CCDC62: variants seen among roughly 807,000 people sequenced by gnomAD.
The protein encoded by CCDC62 is coiled-coil domain-containing protein 62.
A neutral mutation model predicts 80.8 loss-of-function variants in CCDC62; 72 were observed. That is an observed-to-expected ratio of 0.89 (90% confidence interval 0.74 to 1.08). CCDC62 has a LOEUF of 1.08. CCDC62 is among the 50% of genes least tolerant of loss of function. The pLI, the probability that CCDC62 is intolerant of heterozygous loss-of-function variation, is 0.00. For missense variants in CCDC62, 704 were observed against 809.4 expected, an observed-to-expected ratio of 0.87 and a Z score of 1.58; for synonymous variants, 286 against 296.5, an observed-to-expected ratio of 0.96 and a Z score of 0.36.
intron 8 of CCDC62, 116 bp from the exon 9 acceptor site, chr12:122,801,008 G>A (rs2031268173): frequency 1.8e-6 from 2 of 1,132,354 alleles, no homozygotes; most frequent in Admixed American, 2.4e-5. Flanking sequence ...GGGCTCTGAG[G>A]TTCAGACAAA....
At chr12:122,792,378 G>A (rs111512221) in intron 6 of CCDC62, among the ~76,000 whole-genome samples, 9,563 of 151,762 alleles carry the variant, frequency 0.063, 1,045 homozygotes, top group African/African-American at 0.22. Flanking sequence ...GAGCCACCAC[G>A]CCCGGCTAAA....
In CCDC62 at chr12:122,826,542, C is replaced by T. The variant is rs1040491774; in HGVS notation, c.*161C>T. 28 of 703,794 alleles carry T rather than the reference C, an allele frequency of 4.0e-5. No individual in the cohort carries two copies. In the Admixed American group the frequency reaches 4.5e-4, roughly 11 times the overall value. 43.6% of individuals were successfully genotyped at this position (703,794 alleles called of 1,614,324 possible). A position where few individuals can be genotyped will look rare whatever the true frequency, so the allele number is the denominator to read the frequency against. ...CACTTAATTCCAGCTGGGAGCAGAA[C>T]TAGAAAGTTAATTTTTAAACATCTA... On this transcript the variant is annotated 3_prime_UTR_variant, in exon 13 of 13. Transcript: ENST00000253079.
chr12:122,823,433 C>T lies in CCDC62; in HGVS notation c.*14C>T. The stretch of plus-strand genomic sequence containing the variant: ...GTCAGTTATTGAAGGAAACAAAAGG[C>T]AACTTCAGTATTCATCGTGATCACG... On this transcript the variant is annotated 3_prime_UTR_variant, in exon 12 of 13. Coordinates refer to ENST00000253079, the MANE Select transcript of CCDC62 (RefSeq NM_201435.5). 1 of 1,593,766 alleles carries T rather than the reference C, an allele frequency of 6.3e-7. No homozygotes were observed. Among genetic ancestry groups the T allele is most frequent in the Non-Finnish European group, 8.6e-7 (1 of 1,161,538 alleles).
Position 122,801,181 on chromosome 12 carries a change from G to C in CCDC62, c.1035G>C (p.Arg345Ser). ...ACCACCCAAAAGTCGATATTAAGAG[G>C]GAAAAAAATCAGAAGTCACTGTTTA... is the stretch of plus-strand genomic sequence containing the variant. ...ENNHPKVDIK[R>S]EKNQKSLFKD... Residue 345 changes from arginine (R) to serine (S), a missense_variant, in exon 9 of 13, where the codon AGG (arginine) becomes AGC (serine). Transcript: ENST00000253079. 6.2e-7 allele frequency: 1 copy of C among 1,613,746 alleles called. No homozygotes were observed.
At position 122,811,649 on chromosome 12, in the gene CCDC62, G is replaced by A. The variant is rs150774416; in HGVS notation, c.1852-1621G>A. ...ATCCTGACCAACATGGTGAAACCCC[G>A]TCTCTACGAAAAATACAAAAATTAG... On this transcript the variant is annotated intron_variant, in intron 10 of 12. Coordinates refer to ENST00000253079, the MANE Select transcript of CCDC62 (RefSeq NM_201435.5). 1.9e-3 allele frequency among the ~76,000 whole-genome samples: 281 copies of A among 150,572 alleles called. 5 individuals are homozygous for A. The East Asian group carries it at 0.04, about 21-fold the overall frequency.
rs1262790268 is a variant in CCDC62, at chr12:122,798,165, C to T, written c.942C>T (p.Asp314=). ...ENSQELIQMY[D]SKMEESKALD... is the part of the protein sequence containing the mutation. ...CTCAGGAATTAATACAGATGTATGA[C>T]TCAAAGATGGAGGAATCAAAGGCTC... is the stretch of plus-strand genomic sequence containing the variant. Residue 314 remains aspartate (D), a synonymous_variant, in exon 8 of 13, where the codon GAC becomes GAT. Coordinates refer to ENST00000253079, the MANE Select transcript of CCDC62 (RefSeq NM_201435.5). 6.3e-7 allele frequency: 1 copy of T among 1,584,588 alleles called. No homozygotes were observed. Among genetic ancestry groups the T allele is most frequent in the Non-Finnish European group, 8.7e-7 (1 of 1,153,860 alleles).
intron 9 of CCDC62, among the ~76,000 whole-genome samples, chr12:122,803,766 T>C (rs77422670): frequency 0.048 from 7,366 of 152,302 alleles, 289 homozygotes; most frequent in East Asian, 0.23. Flanking sequence ...TAAAGATCTT[T>C]GGATAATTGC....
chr12:122,812,534 A>G (rs1369118960), intron 10 of CCDC62, among the ~76,000 whole-genome samples: 1 of 149,512 alleles, frequency 6.7e-6, no homozygotes, highest in African/African-American at 2.5e-5. Context: ...AGGTCAGGAG[A>G]TTGAGACCAT....
intron 12 of CCDC62, among the ~76,000 whole-genome samples, chr12:122,823,859 G>T (rs866977964): frequency 1.3e-5 from 2 of 151,906 alleles, no homozygotes; most frequent in Non-Finnish European, 2.9e-5. Context: ...GGTAGTGGGC[G>T]CCTGTAATCC....
At chr12:122,780,314 G>GAA (rs78834464) in intron 2 of CCDC62, among the ~76,000 whole-genome samples, 2 of 97,498 alleles carry the variant, frequency 2.1e-5, no homozygotes, top group Non-Finnish European at 2.1e-5. Context: ...CCGTCTCAAC[G>GAA]AAAAAAAAAA....
chr12:122,795,918 T>C (rs1408964766), intron 6 of CCDC62, among the ~76,000 whole-genome samples: 1 of 152,190 alleles, frequency 6.6e-6, no homozygotes, highest in Admixed American at 6.6e-5. Flanking sequence ...TCTAAGTCCC[T>C]TCCCATTGTT....
In CCDC62 at chr12:122,777,472, A is replaced by G; in HGVS notation, c.37-19A>G. 6.3e-7 allele frequency: 1 copy of G among 1,585,424 alleles called. No individual in the cohort carries two copies. Among genetic ancestry groups the G allele is most frequent in the Non-Finnish European group, 8.6e-7 (1 of 1,164,950 alleles). On this transcript the variant is annotated intron_variant, in intron 1 of 12. Transcript: ENST00000253079. ...TTGATTTCATTCTATTTTGATGTGA[A>G]ACCGCTTTCTATGTTTAGAACATCG...
intron 3 of CCDC62, among the ~76,000 whole-genome samples, chr12:122,784,893 C>T (rs1218811352): frequency 6.6e-6 from 1 of 151,836 alleles, no homozygotes; most frequent in African/African-American, 2.4e-5. Context: ...AATCCCAGCA[C>T]TTTGGGAGGT....
chr12:122,774,657 C>G lies in CCDC62; in HGVS notation c.-14C>G. 8.0e-7 allele frequency: 1 copy of G among 1,249,564 alleles called. No homozygotes were observed. The highest frequency in any genetic ancestry group is 1.0e-6 in the Non-Finnish European group (1 of 987,974). The allele number at this position is 1,249,564 out of a possible 1,614,324, so 77.4% of individuals were successfully genotyped here. ...CGCCCACACCGGGCTTCTCCGGGGGCGGAGGAAACACCTATGAACCCTCCG... is the reference window on the plus strand; with the variant it reads ...CGCCCACACCGGGCTTCTCCGGGGGGGGAGGAAACACCTATGAACCCTCCG... On this transcript the variant is annotated 5_prime_UTR_variant, in exon 1 of 13. Transcript: ENST00000253079.
chr12:122,795,637 G>A (rs549239898), intron 6 of CCDC62, among the ~76,000 whole-genome samples: 5 of 152,156 alleles, frequency 3.3e-5, no homozygotes, highest in South Asian at 2.1e-4. Context: ...TGTTAGCCAG[G>A]ATGGTCTTGA....
At chr12:122,792,982 G>A (rs1001306387) in intron 6 of CCDC62, among the ~76,000 whole-genome samples, 11 of 152,098 alleles carry the variant, frequency 7.2e-5, no homozygotes, top group African/African-American at 2.4e-4. Context: ...ACATAACATA[G>A]ATGCTCCTTG....
intron 12 of CCDC62, among the ~76,000 whole-genome samples, chr12:122,825,621 G>C (rs1477382720): frequency 1.3e-5 from 2 of 148,806 alleles, no homozygotes; most frequent in Non-Finnish European, 3.0e-5. Flanking sequence ...CTCCCAAAGT[G>C]CTGGGATTAA....
At chr12:122,806,790 T>C (rs1340326648) in intron 10 of CCDC62, among the ~76,000 whole-genome samples, 1 of 138,822 alleles carries the variant, frequency 7.2e-6, no homozygotes, top group Admixed American at 8.3e-5. Flanking sequence ...ACTATTTTTT[T>C]CTTTCGAGAA....
At chr12:122,780,306 G>A (rs1286762127) in intron 2 of CCDC62, among the ~76,000 whole-genome samples, 5 of 121,316 alleles carry the variant, frequency 4.1e-5, no homozygotes, top group Non-Finnish European at 6.7e-5. Flanking sequence ...GGGAGGCTCC[G>A]TCTCAACGAA....
Sources: gnomAD v4.1 joint callset for allele counts (sites outside exome capture counted in the v4.1 genomes callset) on GRCh38, gnomAD v4.1.1 for gene constraint, MANE v1.5 for transcripts, NCBI Gene and HGNC (gene_info 2026-07-23, HGNC 2026-07-21) for gene names.